The following TNFRSF10A variants were observed in gnomAD, a reference collection of about 807,000 sequenced individuals.
TNFRSF10A encodes TNF receptor superfamily member 10a, also known as tumor necrosis factor receptor superfamily member 10A.
TNFRSF10A carries 44 observed loss-of-function variants against 42.8 expected under a neutral mutation model. The ratio of observed to expected loss-of-function variants is 1.03; its 90% CI spans 0.81 to 1.32. The LOEUF (loss-of-function observed/expected upper bound fraction) is 1.32. Ranked by LOEUF, TNFRSF10A falls within the 40% of genes most tolerant of loss-of-function variation. The pLI, the probability that TNFRSF10A is intolerant of heterozygous loss-of-function variation, is 0.00. For missense variants in TNFRSF10A, 680 were observed against 602.0 expected (o/e 1.13, Z -1.36); for synonymous variants, 259 against 234.2 (o/e 1.11, Z -0.97).
At chr8:23,199,002 C>G (rs1464527729) in intron 8 of TNFRSF10A, among the ~76,000 whole-genome samples, 1 of 152,232 alleles carries the variant, frequency 6.6e-6, no homozygotes, top group African/African-American at 2.4e-5. Flanking sequence ...CAGCCTTATT[C>G]AGTCATCAAC....
intron 1 of TNFRSF10A, among the ~76,000 whole-genome samples, chr8:23,215,622 AT>A (rs1170312093): frequency 6.6e-6 from 1 of 152,142 alleles, no homozygotes; most frequent in African/African-American, 2.4e-5. Flanking sequence ...TCTTGTGGCT[AT>A]TTTGCTAAGT....
At chr8:23,218,522 G>C (rs921159784) in intron 1 of TNFRSF10A, among the ~76,000 whole-genome samples, 3 of 152,004 alleles carry the variant, frequency 2.0e-5, no homozygotes, top group African/African-American at 7.3e-5. Context: ...AAGACCCCTG[G>C]GTTAAGAAGC....
At chr8:23,193,959 T>C (rs1326888302) in intron 9 of TNFRSF10A, among the ~76,000 whole-genome samples, 12 of 152,192 alleles carry the variant, frequency 7.9e-5, no homozygotes, top group Non-Finnish European at 1.8e-4. Context: ...GCATTGGGCC[T>C]GATTAGTTGG....
At chr8:23,200,660 C>T (rs1271181815) in intron 5 of TNFRSF10A, 27 bp downstream of exon 5, 2 of 1,613,424 alleles carry the variant, frequency 1.2e-6, no homozygotes, top group Non-Finnish European at 1.7e-6. Flanking sequence ...TCCTCTGCAG[C>T]TGGGGCTTCC....
Position 23,192,048 on chromosome 8 carries a change from G to A in TNFRSF10A, c.1088-35C>T. 3 of 1,587,420 alleles carry A rather than the reference G, an allele frequency of 1.9e-6. No homozygotes were observed. The South Asian group carries it at 3.4e-5, about 18-fold the overall frequency. On this transcript the variant is annotated intron_variant, in intron 9 of 9. Coordinates refer to ENST00000221132, the MANE Select transcript of TNFRSF10A (RefSeq NM_003844.4). ...GAAAGCCACAGAGACAGCCAGATGA[G>A]TTGGGACTCAGTTCAGAAGGGGCAG... is the stretch of plus-strand genomic sequence containing the variant.
At chr8:23,205,958 C>T (rs530606473) in intron 2 of TNFRSF10A, among the ~76,000 whole-genome samples, 113 of 152,008 alleles carry the variant, frequency 7.4e-4, no homozygotes, top group Non-Finnish European at 1.4e-3. Context: ...CCTCGTGATC[C>T]GCCTGCCTTG....
intron 1 of TNFRSF10A, among the ~76,000 whole-genome samples, chr8:23,212,862 G>C (rs1393795066): frequency 6.6e-6 from 1 of 152,218 alleles, no homozygotes; most frequent in Non-Finnish European, 1.5e-5. Context: ...TCAGGAACAA[G>C]ACATGGAGGC....
Position 23,191,959 on chromosome 8 carries a change from T to A in TNFRSF10A, c.1142A>T (p.Asp381Val). ...FANIVPFDSW[D>V]QLMRQLDLTK... Reference sequence around the variant, plus strand: ...GAGGTCCAGCTGCCTCATGAGCTGGTCCCAGGAGTCAAAGGGCACGATGTT... The same window carrying A: ...GAGGTCCAGCTGCCTCATGAGCTGGACCCAGGAGTCAAAGGGCACGATGTT... The change falls in exon 10 of 10, where the codon GAC (aspartate) becomes GTC (valine). Residue 381 changes from aspartate to valine, a missense_variant. Physicochemically the swap from Asp to Val is radical, Grantham distance 152. Coordinates refer to ENST00000221132, the MANE Select transcript of TNFRSF10A (RefSeq NM_003844.4). 6.2e-7 allele frequency: 1 copy of A among 1,614,120 alleles called. No homozygotes were observed. Among genetic ancestry groups the A allele is most frequent in the South Asian group, 1.1e-5 (1 of 91,076 alleles).
chr8:23,194,478 C>G (rs36005462), intron 9 of TNFRSF10A, among the ~76,000 whole-genome samples: 9,118 of 152,254 alleles, frequency 0.06, 374 homozygotes, highest in South Asian at 0.15. Flanking sequence ...ATCAGTTTGG[C>G]ACAAAAACTT....
chr8:23,224,777 G>A lies in TNFRSF10A; in HGVS notation c.285C>T (p.Val95=), dbSNP rs376175057. The change falls in exon 1 of 10, where the codon GTC becomes GTT. Residue 95 remains valine (V), a synonymous_variant. Coordinates refer to ENST00000221132, the MANE Select transcript of TNFRSF10A (RefSeq NM_003844.4). The stretch of plus-strand genomic sequence containing the variant: ...TCACCTGCAGCAGGACCCCGACGAC[G>A]ACAAACTTGAAGGTCTTGTGGACCC... ...RLRVHKTFKF[V]VVGVLLQVVP... 48 of 1,568,990 alleles carry A rather than the reference G, an allele frequency of 3.1e-5. No homozygotes were observed. In the African/African-American group the frequency reaches 6.2e-4, roughly 20 times the overall value.
chr8:23,207,385 C>T (rs1240386077), intron 2 of TNFRSF10A: 2 of 556,490 alleles, frequency 3.6e-6, no homozygotes, highest in Non-Finnish European at 6.9e-6. Flanking sequence ...ATCCAGCTGG[C>T]TAATTCTAAA....
intron 1 of TNFRSF10A, among the ~76,000 whole-genome samples, chr8:23,223,647 A>C (rs900043119): frequency 6.6e-6 from 1 of 152,238 alleles, no homozygotes; most frequent in African/African-American, 2.4e-5. Context: ...AAAACACGTA[A>C]AATTTCCTGA....
chr8:23,199,992 G>T, intron 6 of TNFRSF10A, 75 bp from the exon 7 acceptor site: 1 of 1,580,048 alleles, frequency 6.3e-7, no homozygotes, highest in Non-Finnish European at 8.7e-7. Flanking sequence ...GCAGTGTTGG[G>T]CAGGGGTGGG....
chr8:23,197,769 C>T (rs560273550), intron 8 of TNFRSF10A, among the ~76,000 whole-genome samples: 32 of 152,200 alleles, frequency 2.1e-4, no homozygotes, highest in African/African-American at 7.0e-4. Flanking sequence ...GGGGACCATT[C>T]GTTAATAATA....
At chr8:23,196,380 T>G (rs924379453) in intron 9 of TNFRSF10A, among the ~76,000 whole-genome samples, 1 of 152,056 alleles carries the variant, frequency 6.6e-6, no homozygotes, top group Non-Finnish European at 1.5e-5. Context: ...GTATTTTTAG[T>G]ACAGAAGGGG....
intron 7 of TNFRSF10A, 115 bp from the exon 8 acceptor site, chr8:23,199,563 G>T: frequency 7.6e-7 from 1 of 1,313,358 alleles, no homozygotes; most frequent in Non-Finnish European, 1.0e-6. Flanking sequence ...ACTCCAGGAA[G>T]TCCATGCTCA....
At chr8:23,207,427 G>C in intron 2 of TNFRSF10A, 1 of 487,504 alleles carries the variant, frequency 2.1e-6, no homozygotes, top group Non-Finnish European at 4.0e-6. Flanking sequence ...GAAAAACAAA[G>C]TTGAGGCCCA....
Position 23,199,289 on chromosome 8 carries a change from G to T in TNFRSF10A, c.991C>A (p.Pro331Thr). Residue 331 changes from proline to threonine, a missense_variant, in exon 8 of 10, where the codon CCA becomes ACA. Physicochemically the swap from Pro to Thr is conservative, Grantham distance 38. Coordinates refer to ENST00000221132, the MANE Select transcript of TNFRSF10A (RefSeq NM_003844.4). ...ACCAGCAGACACTGTGCCTCCCCTGGGGACTGTACAGTGACACCTGTCAAA... is the reference window on the plus strand; with the variant it reads ...ACCAGCAGACACTGTGCCTCCCCTGTGGACTGTACAGTGACACCTGTCAAA... ...ADLTGVTVQSPGEAQCLLGPA... is the reference protein window; with the variant it reads ...ADLTGVTVQSTGEAQCLLGPA... 6.2e-7 allele frequency: 1 copy of T among 1,614,078 alleles called. No homozygotes were observed. Among genetic ancestry groups the T allele is most frequent in the Non-Finnish European group, 8.5e-7 (1 of 1,179,980 alleles).
intron 2 of TNFRSF10A, among the ~76,000 whole-genome samples, chr8:23,204,488 C>CA (rs1350634283): frequency 6.6e-6 from 1 of 151,802 alleles, no homozygotes; most frequent in African/African-American, 2.4e-5. Flanking sequence ...GAATTCATAC[C>CA]AAAAAAATCT....
Sources: gnomAD v4.1 joint callset for allele counts (sites outside exome capture counted in the v4.1 genomes callset) on GRCh38, gnomAD v4.1.1 for gene constraint, MANE v1.5 for transcripts, NCBI Gene and HGNC (gene_info 2026-07-23, HGNC 2026-07-21) for gene names.